DSCC1: variants seen among roughly 807,000 people sequenced by gnomAD.
DSCC1 encodes DNA replication and sister chromatid cohesion 1, also known as sister chromatid cohesion protein DCC1.
DSCC1 carries 32 observed loss-of-function variants against 48.2 expected under a neutral mutation model. That is an observed-to-expected ratio of 0.66 (90% confidence interval 0.50 to 0.89). DSCC1 has a LOEUF of 0.89. DSCC1 is among the 40% of genes least tolerant of loss of function. The pLI, the probability that DSCC1 is intolerant of heterozygous loss-of-function variation, is 0.00. For synonymous variants in DSCC1, 150 were observed against 171.5 expected (o/e 0.87, Z 0.98); for missense variants, 421 against 471.7 (o/e 0.89, Z 1.00).
Position 119,845,818 on chromosome 8 carries a change from G to A in DSCC1, c.577+1172C>T, listed in dbSNP as rs995992634. On this transcript the variant is annotated intron_variant, in intron 4 of 8. Coordinates refer to ENST00000313655, the MANE Select transcript of DSCC1 (RefSeq NM_024094.3). ...ACAAAAATTAGCTGGACGTGGTGGCGCATGACTGTAACCCCAGCTACTCAG... is the reference window on the plus strand; with the variant it reads ...ACAAAAATTAGCTGGACGTGGTGGCACATGACTGTAACCCCAGCTACTCAG... Among the ~76,000 whole-genome samples the A allele has an allele frequency of 3.9e-5, 6 of 152,114 alleles. No homozygotes were observed. The East Asian group carries it at 9.8e-4, about 25-fold the overall frequency.
chr8:119,837,693 T>A (rs551754348), intron 8 of DSCC1, among the ~76,000 whole-genome samples: 7 of 152,068 alleles, frequency 4.6e-5, no homozygotes, highest in Admixed American at 1.3e-4. Context: ...CAGGGAGATA[T>A]GGCAAGAGGG....
chr8:119,848,553 C>T (rs1489257201), intron 3 of DSCC1, among the ~76,000 whole-genome samples: 1 of 152,204 alleles, frequency 6.6e-6, no homozygotes, highest in African/African-American at 2.4e-5. Flanking sequence ...ACTCTGGAAA[C>T]AGTACGGCAG....
chr8:119,842,728 C>T (rs1399276848), intron 6 of DSCC1, 48 bp downstream of exon 6: 1 of 1,537,938 alleles, frequency 6.5e-7, no homozygotes, highest in Admixed American at 1.7e-5. Context: ...GAAAGGTATG[C>T]CAGTTTTAAC....
At position 119,838,391 on chromosome 8, in the gene DSCC1, T is replaced by G; in HGVS notation, c.941A>C (p.Asp314Ala). 3.7e-6 allele frequency: 6 copies of G among 1,604,956 alleles called. No individual in the cohort carries two copies. Among genetic ancestry groups the G allele is most frequent in the Non-Finnish European group, 5.1e-6 (6 of 1,176,790 alleles). The change falls in exon 8 of 9, where the codon GAT (aspartate) becomes GCT (alanine). Residue 314 changes from aspartate (D) to alanine (A), a missense_variant. By Grantham distance (126) the Asp-to-Ala change is moderately radical. This residue lies in a region of DSCC1 where 238 missense variants were observed against 259.0 expected (regional missense o/e 0.92). Coordinates refer to ENST00000313655, the MANE Select transcript of DSCC1 (RefSeq NM_024094.3). ...LDQLKGLALV[D>A]RHSRPEIIFL... ...TATGATTTCTGGTCTCGAGTGTCTA[T>G]CCACCAGCGCTAAACCCTACAAGAA...
intron 8 of DSCC1, among the ~76,000 whole-genome samples, 198 bp downstream of exon 8, chr8:119,838,061 C>CAG (rs1445692086): frequency 6.6e-6 from 1 of 152,090 alleles, no homozygotes. Context: ...TAGTGAGGAA[C>CAG]AGAGATAACA....
chr8:119,849,184 C>CAAAAAAAAAAAAAAAA (rs550853227), intron 3 of DSCC1, among the ~76,000 whole-genome samples: 3 of 29,506 alleles, frequency 1.0e-4, no homozygotes, highest in African/African-American at 3.8e-4. Context: ...GACTCCCTCT[C>CAAAAAAAAAAAAAAAA]AAAAAAAAAA....
At position 119,841,059 on chromosome 8, in the gene DSCC1, T is replaced by C. The variant is rs139018441; in HGVS notation, c.924+735A>G. ...CAGGCTGGACTGCACTGGCATGAAC[T>C]CGGCTCCCTGCAACCTCCGCCTCCC... On this transcript the variant is annotated intron_variant, in intron 7 of 8. Coordinates refer to ENST00000313655, the MANE Select transcript of DSCC1 (RefSeq NM_024094.3). 1.5e-3 allele frequency among the ~76,000 whole-genome samples: 231 copies of C among 151,910 alleles called. 4 individuals carry two copies. The East Asian group carries it at 0.043, about 28-fold the overall frequency.
rs191518174 is a variant in DSCC1 at position 119,834,012 on chromosome 8, C to G, written c.*881G>C. ...ACATTTATTGAAAGACATTTCGAAG[C>G]CATCGTGTTTGTATTTCATGTTCAT... is the stretch of plus-strand genomic sequence containing the variant. On this transcript the variant is annotated 3_prime_UTR_variant, in exon 9 of 9. Transcript: ENST00000313655. 6.6e-6 allele frequency: 1 copy of G among 152,310 alleles called. No individual in the cohort carries two copies. Among genetic ancestry groups the G allele is most frequent in the African/African-American group, 2.4e-5 (1 of 41,570 alleles). 9.4% of individuals were successfully genotyped at this position (152,310 alleles called of 1,614,324 possible). A position where few individuals can be genotyped will look rare whatever the true frequency, so the allele number is the denominator to read the frequency against.
At chr8:119,842,173 A>C (rs1031077264) in intron 6 of DSCC1, among the ~76,000 whole-genome samples, 3 of 151,822 alleles carry the variant, frequency 2.0e-5, no homozygotes, top group Non-Finnish European at 4.4e-5. Flanking sequence ...TCTTGGGTTC[A>C]AGTGATTCTC....
At chr8:119,848,057 C>G (rs11998531) in intron 3 of DSCC1, among the ~76,000 whole-genome samples, 39,982 of 151,682 alleles carry the variant, frequency 0.26, 5,936 homozygotes, top group African/African-American at 0.39. Context: ...TCACTTACAG[C>G]CCTGACCTCC....
intron 1 of DSCC1, among the ~76,000 whole-genome samples, chr8:119,854,151 C>A (rs115883869): frequency 0.046 from 7,013 of 152,108 alleles, 267 homozygotes; most frequent in South Asian, 0.13. Flanking sequence ...AGTCATGGCA[C>A]CATCATGCAG....
At position 119,843,339 on chromosome 8, in the gene DSCC1, C is replaced by T. The variant is rs564709879; in HGVS notation, c.716+270G>A. On this transcript the variant is annotated intron_variant, in intron 5 of 8. Transcript: ENST00000313655. ...TCCTGACCTCATGATCCACCTGCCT[C>T]GGCCTCCCAAAGTGCTGGGATTACA... is the stretch of plus-strand genomic sequence containing the variant. 5.3e-5 allele frequency among the ~76,000 whole-genome samples: 8 copies of T among 152,130 alleles called. No homozygotes were observed. In the South Asian group the frequency reaches 8.3e-4, roughly 16 times the overall value.
intron 3 of DSCC1, among the ~76,000 whole-genome samples, chr8:119,850,024 C>T (rs908704794): frequency 6.6e-6 from 1 of 151,906 alleles, no homozygotes; most frequent in African/African-American, 2.4e-5. Context: ...AAATTTTTTA[C>T]CTCTAAAAAA....
rs1468637149 is a variant in DSCC1 at position 119,853,199 on chromosome 8, C to G, written c.199G>C (p.Asp67His). ...EDGHSLVIRG[D>H]KDEQAVLCSK... ...CACAGCACAGCTTGCTCGTCTTTATCACCACGAATCACAAGACTGTAGCAA... is the reference window on the plus strand; with the variant it reads ...CACAGCACAGCTTGCTCGTCTTTATGACCACGAATCACAAGACTGTAGCAA... The change falls in exon 2 of 9, where the codon GAT becomes CAT. Residue 67 changes from aspartate to histidine, a missense_variant. By Grantham distance (81) the Asp-to-His change is moderately conservative. Around this residue, in one of 3 missense-constraint regions of DSCC1, gnomAD observed 174 missense variants for 184.5 expected, o/e 0.94. Coordinates refer to ENST00000313655, the MANE Select transcript of DSCC1 (RefSeq NM_024094.3). 6.2e-7 allele frequency: 1 copy of G among 1,607,870 alleles called. No homozygotes were observed. The highest frequency in any genetic ancestry group is 1.3e-5 in the African/African-American group (1 of 74,780).
chr8:119,848,449 G>A (rs1376020705), intron 3 of DSCC1, among the ~76,000 whole-genome samples: 1 of 152,160 alleles, frequency 6.6e-6, no homozygotes, highest in Non-Finnish European at 1.5e-5. Flanking sequence ...TTAAAAATCA[G>A]GCAAAGAAAC....
chr8:119,843,419 A>G, intron 5 of DSCC1, among the ~76,000 whole-genome samples, 190 bp downstream of exon 5: 1 of 152,134 alleles, frequency 6.6e-6, no homozygotes, highest in Non-Finnish European at 1.5e-5. Flanking sequence ...CCAAAAACAA[A>G]CAAGATAATG....
Position 119,841,931 on chromosome 8 carries a change from A to C in DSCC1, c.787T>G (p.Leu263Val), listed in dbSNP as rs1386490252. ...GCTCTACATATTTTATCAGCATCCAACTCAAAATAAACTTCGCCTAAGGAA... is the reference window on the plus strand; with the variant it reads ...GCTCTACATATTTTATCAGCATCCACCTCAAAATAAACTTCGCCTAAGGAA... ...YVDEGEVYFE[L>V]DADKICRAAA... The change falls in exon 7 of 9, where the codon TTG becomes GTG. Residue 263 changes from leucine (L) to valine (V), a missense_variant. Transcript: ENST00000313655. 1 of 1,613,792 alleles carries C rather than the reference A, an allele frequency of 6.2e-7. No homozygotes were observed. The highest frequency in any genetic ancestry group is 8.5e-7 in the Non-Finnish European group (1 of 1,179,806).
chr8:119,840,187 G>C (rs1826746292), intron 7 of DSCC1: 1 of 152,186 alleles, frequency 6.6e-6, no homozygotes, highest in African/African-American at 2.4e-5. Context: ...CACATGCCAG[G>C]TAGTATGCTA....
chr8:119,849,524 T>A lies in DSCC1; in HGVS notation c.486+858A>T, dbSNP rs936673462. Among the ~76,000 whole-genome samples, 182 of 152,334 alleles carry A rather than the reference T, an allele frequency of 1.2e-3. 3 individuals carry two copies. The highest frequency in any genetic ancestry group is 6.2e-4 in the South Asian group (3 of 4,828). ...CACATATTATATGATTCCATTTATA[T>A]GAAATGTCCAGAATAGGCAAATCTA... On this transcript the variant is annotated intron_variant, in intron 3 of 8. Coordinates refer to ENST00000313655, the MANE Select transcript of DSCC1 (RefSeq NM_024094.3).
Sources: allele counts gnomAD v4.1 joint callset (sites outside exome capture counted in the v4.1 genomes callset), GRCh38; gene constraint gnomAD v4.1.1; regional missense constraint gnomAD v4.1.1; transcripts MANE v1.5; gene names NCBI Gene and HGNC (gene_info 2026-07-23, HGNC 2026-07-21).